The following UNC5C variants were observed in gnomAD, a reference collection of about 807,000 sequenced individuals.
UNC5C encodes the protein unc-5 netrin receptor C, also known as netrin receptor UNC5C.
UNC5C carries 47 observed loss-of-function variants against 99.8 expected under a neutral mutation model. The ratio of observed to expected loss-of-function variants is 0.47; its 90% CI spans 0.37 to 0.60. The LOEUF is 0.60. Among genes scored for constraint, UNC5C ranks in the 20% least tolerant of loss-of-function variants. The probability of loss-of-function intolerance (pLI) is 0.00; values close to 1 mark genes in which losing one functional copy is unlikely to be tolerated. For synonymous variants in UNC5C, 487 were observed against 452.2 expected (o/e 1.08, Z -0.98); for missense variants, 1,062 against 1,165.9 (o/e 0.91, Z 1.30).
Position 95,356,218 on chromosome 4 carries a change from CAAAAAAAA to C in UNC5C, c.125-20595_125-20588del, listed in dbSNP as rs796623348. On this transcript the variant is annotated intron_variant, in intron 1 of 15. Coordinates refer to ENST00000453304, the MANE Select transcript of UNC5C (RefSeq NM_003728.4). ...CAAAAAAAAAAAAAAAAAAACAAAA[CAAAAAAAA>C]AACAGATTCCTCGTTCTTCCTCATT... Among the ~76,000 whole-genome samples, 17 of 81,784 alleles carry C rather than the reference CAAAAAAAA, an allele frequency of 2.1e-4. 1 individual carries two copies. Among genetic ancestry groups the C allele is most frequent in the Non-Finnish European group, 1.2e-4 (5 of 40,242 alleles). The allele number at this position is 81,784 out of a possible 152,430, so 53.7% of individuals were successfully genotyped here.
intron 1 of UNC5C, among the ~76,000 whole-genome samples, chr4:95,482,322 C>A (rs1440804818): frequency 6.6e-6 from 1 of 152,004 alleles, no homozygotes; most frequent in Non-Finnish European, 1.5e-5. Context: ...CCATCTCACA[C>A]CAGTTAGAAT....
intron 3 of UNC5C, among the ~76,000 whole-genome samples, chr4:95,284,431 A>G (rs1741163424): frequency 6.6e-6 from 1 of 152,184 alleles, no homozygotes; most frequent in Non-Finnish European, 1.5e-5. Flanking sequence ...CTTGGTTGCC[A>G]TTATGTGTCC....
chr4:95,267,448 G>C (rs1028338557), intron 4 of UNC5C, among the ~76,000 whole-genome samples: 1 of 152,190 alleles, frequency 6.6e-6, no homozygotes, highest in Non-Finnish European at 1.5e-5. Flanking sequence ...ACAAGAGGGA[G>C]AATATATTTG....
chr4:95,376,636 G>A (rs1744903198), intron 1 of UNC5C, among the ~76,000 whole-genome samples: 1 of 152,038 alleles, frequency 6.6e-6, no homozygotes. Flanking sequence ...ATGAGTACAT[G>A]ATTTTGAACC....
chr4:95,360,560 C>A (rs1744358971), intron 1 of UNC5C, among the ~76,000 whole-genome samples: 1 of 152,158 alleles, frequency 6.6e-6, no homozygotes, highest in African/African-American at 2.4e-5. Context: ...GTTTAGCCAC[C>A]TTTCACTGTT....
chr4:95,463,539 A>G (rs1747674449), intron 1 of UNC5C, among the ~76,000 whole-genome samples: 1 of 152,162 alleles, frequency 6.6e-6, no homozygotes, highest in Non-Finnish European at 1.5e-5. Context: ...TGGGGGTTTC[A>G]GGTCTGAAAC....
intron 3 of UNC5C, among the ~76,000 whole-genome samples, chr4:95,278,663 A>G (rs1054428410): frequency 6.6e-6 from 1 of 151,758 alleles, no homozygotes; most frequent in Non-Finnish European, 1.5e-5. Flanking sequence ...AATTTTTTGT[A>G]GAGATAGAGT....
At chr4:95,467,081 C>G (rs368579182) in intron 1 of UNC5C, among the ~76,000 whole-genome samples, 234 of 152,252 alleles carry the variant, frequency 1.5e-3, no homozygotes, top group Middle Eastern at 6.8e-3. Context: ...AGGACTGACA[C>G]AACTTGGGAG....
chr4:95,479,397 C>G (rs1053963625), intron 1 of UNC5C, among the ~76,000 whole-genome samples: 15 of 151,986 alleles, frequency 9.9e-5, no homozygotes, highest in African/African-American at 2.9e-4. Flanking sequence ...AAAAATCATG[C>G]CAGAAGCAAG....
At chr4:95,323,262 G>T (rs530210642) in intron 2 of UNC5C, among the ~76,000 whole-genome samples, 2 of 152,126 alleles carry the variant, frequency 1.3e-5, no homozygotes, top group African/African-American at 4.8e-5. Flanking sequence ...GCAGGAGCAG[G>T]AACAGTAAAA....
chr4:95,433,129 GT>G (rs1373053541), intron 1 of UNC5C, among the ~76,000 whole-genome samples: 1 of 152,132 alleles, frequency 6.6e-6, no homozygotes, highest in Non-Finnish European at 1.5e-5. Flanking sequence ...TGGGTGGACA[GT>G]TGAGGATTGA....
chr4:95,508,686 C>A (rs144613595), intron 1 of UNC5C, among the ~76,000 whole-genome samples: 2 of 151,828 alleles, frequency 1.3e-5, no homozygotes, highest in African/African-American at 4.8e-5. Context: ...AAGGAAAAAA[C>A]CAGATCAGCA....
chr4:95,547,318 G>A (rs1469850320), intron 1 of UNC5C, among the ~76,000 whole-genome samples: 1 of 152,044 alleles, frequency 6.6e-6, no homozygotes, highest in African/African-American at 2.4e-5. Flanking sequence ...AATTCACAAA[G>A]CCTTGCTAAT....
chr4:95,518,735 G>A (rs1161314240), intron 1 of UNC5C, among the ~76,000 whole-genome samples: 2 of 152,096 alleles, frequency 1.3e-5, no homozygotes, highest in Non-Finnish European at 2.9e-5. Flanking sequence ...CTTTGTGTGA[G>A]GTTTACTTGA....
chr4:95,379,496 T>C (rs910811010), intron 1 of UNC5C, among the ~76,000 whole-genome samples: 4 of 152,156 alleles, frequency 2.6e-5, no homozygotes, highest in African/African-American at 9.7e-5. Flanking sequence ...ATTTCTACCA[T>C]TTTTCATTGT....
At chr4:95,263,147 T>C (rs551974481) in intron 4 of UNC5C, among the ~76,000 whole-genome samples, 367 of 152,310 alleles carry the variant, frequency 2.4e-3, no homozygotes, top group African/African-American at 8.5e-3. Flanking sequence ...AGTTTGTTCT[T>C]ACATTTTCTT....
intron 4 of UNC5C, among the ~76,000 whole-genome samples, chr4:95,256,729 T>TATATATA: frequency 6.8e-6 from 1 of 146,242 alleles, no homozygotes; most frequent in African/African-American, 2.5e-5. Context: ...TATGAGTTTA[T>TATATATA]TAAGTATTAA....
rs1738824377 is a variant in UNC5C at position 95,229,550 on chromosome 4, C to T, written c.1109-9374G>A. On this transcript the variant is annotated intron_variant, in intron 7 of 15. Coordinates refer to ENST00000453304, the MANE Select transcript of UNC5C (RefSeq NM_003728.4). ...CATTGATGGGCATTTGGGTTGATTCCAAGTCTTTGTTATTGTGAACAGTGC... is the reference window on the plus strand; with the variant it reads ...CATTGATGGGCATTTGGGTTGATTCTAAGTCTTTGTTATTGTGAACAGTGC... 2.6e-5 allele frequency among the ~76,000 whole-genome samples: 4 copies of T among 152,082 alleles called. No individual in the cohort carries two copies. The Middle Eastern group carries it at 0.01, about 388-fold the overall frequency.
intron 8 of UNC5C, 81 bp from the exon 9 acceptor site, chr4:95,219,394 T>C (rs544771345): frequency 7.2e-7 from 1 of 1,391,884 alleles, no homozygotes; most frequent in South Asian, 1.4e-5. Context: ...CCTCACACTT[T>C]CTGAGCCGAA....
Sources: gnomAD v4.1 joint callset for allele counts (sites outside exome capture counted in the v4.1 genomes callset) on GRCh38, gnomAD v4.1.1 for gene constraint, MANE v1.5 for transcripts, NCBI Gene and HGNC (gene_info 2026-07-23, HGNC 2026-07-21) for gene names.